Variants in SRBD1 observed in about 807,000 individuals in gnomAD.
The protein encoded by SRBD1 is S1 RNA binding domain 1.
A neutral mutation model predicts 115.3 loss-of-function variants in SRBD1; 88 were observed. The observed-to-expected ratio is 0.76, with a 90% CI of 0.64 to 0.91. The LOEUF is 0.91. Among genes scored for constraint, SRBD1 ranks in the 40% least tolerant of loss-of-function variants. The pLI is 0.00. For synonymous variants in SRBD1, 509 were observed against 407.7 expected (o/e 1.25, Z -2.99); for missense variants, 1,385 against 1,177.4 (o/e 1.18, Z -2.58).
intron 15 of SRBD1, among the ~76,000 whole-genome samples, chr2:45,485,765 T>A (rs1348614410): frequency 6.6e-6 from 1 of 152,134 alleles, no homozygotes; most frequent in Non-Finnish European, 1.5e-5. Flanking sequence ...TCCACACTCG[T>A]AGGTAGCTCA....
intron 14 of SRBD1, chr2:45,546,507 C>T: frequency 2.7e-6 from 1 of 377,218 alleles, no homozygotes; most frequent in Non-Finnish European, 3.6e-6. Context: ...CGTGCTGCTT[C>T]TGTAAGAGGT....
rs547772305 is a variant in SRBD1 at position 45,502,764 on chromosome 2, C to T, written c.1875-14433G>A. 3.3e-5 allele frequency among the ~76,000 whole-genome samples: 5 copies of T among 151,880 alleles called. No individual in the cohort carries two copies. The South Asian group carries it at 1.0e-3, about 32-fold the overall frequency. ...TAAGTGGTGCAGCACACCAACATGG[C>T]ACGTGTATACATATGTAACAAACCT... On this transcript the variant is annotated intron_variant, in intron 14 of 20. Coordinates refer to ENST00000263736, the MANE Select transcript of SRBD1 (RefSeq NM_018079.5).
chr2:45,431,032 GA>G (rs1329045121), intron 16 of SRBD1, among the ~76,000 whole-genome samples: 5 of 152,044 alleles, frequency 3.3e-5, no homozygotes, highest in African/African-American at 9.7e-5. Flanking sequence ...CAACAAACAT[GA>G]AAAAAAGCTC....
intron 19 of SRBD1, among the ~76,000 whole-genome samples, chr2:45,400,967 A>G (rs1302127564): frequency 1.3e-5 from 2 of 152,118 alleles, no homozygotes; most frequent in Non-Finnish European, 2.9e-5. Context: ...TTTGCCAGAA[A>G]CGTCATGTGG....
chr2:45,489,746 G>T (rs2103858567), intron 14 of SRBD1, among the ~76,000 whole-genome samples: 1 of 152,070 alleles, frequency 6.6e-6, no homozygotes, highest in East Asian at 1.9e-4. Context: ...AGCTGGAAAG[G>T]AACTGAGTTA....
intron 2 of SRBD1, 37 bp downstream of exon 2, chr2:45,605,325 T>C: frequency 6.4e-7 from 1 of 1,570,332 alleles, no homozygotes; most frequent in East Asian, 2.2e-5. Context: ...AAAATATTCA[T>C]CATTCCCCTA....
At chr2:45,532,608 T>C (rs1671646183) in intron 14 of SRBD1, among the ~76,000 whole-genome samples, 1 of 151,728 alleles carries the variant, frequency 6.6e-6, no homozygotes, top group South Asian at 2.1e-4. Context: ...CTAATTATCA[T>C]AATGTGAACC....
chr2:45,499,432 C>A (rs1309417360), intron 14 of SRBD1, among the ~76,000 whole-genome samples: 2 of 152,238 alleles, frequency 1.3e-5, no homozygotes, highest in East Asian at 3.9e-4. Flanking sequence ...CAAATAATTT[C>A]TCCCATTCAG....
chr2:45,542,423 C>T (rs924747630), intron 14 of SRBD1, among the ~76,000 whole-genome samples: 4 of 152,190 alleles, frequency 2.6e-5, no homozygotes, highest in Admixed American at 2.6e-4. Flanking sequence ...TGCAACTGCG[C>T]CCAGGAGCAT....
At chr2:45,574,777 T>A in intron 7 of SRBD1, 54 bp from the exon 8 acceptor site, 2 of 1,424,914 alleles carry the variant, frequency 1.4e-6, no homozygotes, top group Non-Finnish European at 1.9e-6. Flanking sequence ...CGATTGGTTT[T>A]AAATTCTATA....
chr2:45,453,361 C>T (rs1572657407), intron 16 of SRBD1, among the ~76,000 whole-genome samples: 1 of 151,744 alleles, frequency 6.6e-6, no homozygotes, highest in East Asian at 1.9e-4. Flanking sequence ...GGTGGCCCCT[C>T]CAGAGTTAAG....
At chr2:45,566,280 T>C (rs1219573177) in intron 9 of SRBD1, among the ~76,000 whole-genome samples, 1 of 152,214 alleles carries the variant, frequency 6.6e-6, no homozygotes, top group Non-Finnish European at 1.5e-5. Context: ...GCATTATTCA[T>C]AATATCCAAA....
chr2:45,401,530 G>T (rs543844926), intron 19 of SRBD1, among the ~76,000 whole-genome samples: 2 of 152,080 alleles, frequency 1.3e-5, no homozygotes, highest in Non-Finnish European at 2.9e-5. Flanking sequence ...AGAAAACTTC[G>T]GGCTTTTTCA....
At chr2:45,480,559 T>A (rs1460756937) in intron 15 of SRBD1, among the ~76,000 whole-genome samples, 2 of 152,202 alleles carry the variant, frequency 1.3e-5, no homozygotes, top group East Asian at 3.8e-4. Flanking sequence ...TGCTGTAATC[T>A]CATGATCAAA....
intron 9 of SRBD1, among the ~76,000 whole-genome samples, chr2:45,571,588 T>G (rs974997406): frequency 1.4e-5 from 2 of 144,002 alleles, no homozygotes; most frequent in African/African-American, 5.1e-5. Context: ...AACAAAGATT[T>G]TAAATTAACT....
intron 2 of SRBD1, 36 bp downstream of exon 2, chr2:45,605,326 C>T: frequency 6.4e-7 from 1 of 1,570,700 alleles, no homozygotes. Context: ...AAATATTCAT[C>T]ATTCCCCTAC....
chr2:45,509,395 G>C (rs929328824), intron 14 of SRBD1, among the ~76,000 whole-genome samples: 4 of 152,066 alleles, frequency 2.6e-5, no homozygotes, highest in Admixed American at 6.5e-5. Flanking sequence ...AGGAGATCGA[G>C]ACCATCCTGG....
chr2:45,442,601 G>A (rs931621101), intron 16 of SRBD1, among the ~76,000 whole-genome samples: 1 of 152,170 alleles, frequency 6.6e-6, no homozygotes, highest in Admixed American at 6.5e-5. Flanking sequence ...CTACGGTATA[G>A]GAACCAAATG....
intron 16 of SRBD1, among the ~76,000 whole-genome samples, chr2:45,463,673 G>C (rs945410186): frequency 1.1e-4 from 17 of 152,132 alleles, no homozygotes; most frequent in African/African-American, 4.1e-4. Flanking sequence ...ATCCAAGATT[G>C]TTAGTGTGCC....
Sources: allele counts gnomAD v4.1 joint callset (sites outside exome capture counted in the v4.1 genomes callset), GRCh38; gene constraint gnomAD v4.1.1; transcripts MANE v1.5; gene names NCBI Gene and HGNC (gene_info 2026-07-23, HGNC 2026-07-21).